DEPDC5: variants seen among roughly 807,000 people sequenced by gnomAD.
DEPDC5 encodes DEP domain containing 5, GATOR1 subcomplex subunit.
A neutral mutation model predicts 217.3 loss-of-function variants in DEPDC5; 73 were observed. The ratio of observed to expected loss-of-function variants is 0.34; its 90% CI spans 0.28 to 0.41. The LOEUF is 0.41. Among genes scored for constraint, DEPDC5 ranks in the 10% least tolerant of loss-of-function variants. DEPDC5 has a pLI of 1.00. For synonymous variants in DEPDC5, 733 were observed against 756.7 expected, an observed-to-expected ratio of 0.97 and a Z score of 0.51; for missense variants, 1,675 against 2,070.1, an observed-to-expected ratio of 0.81 and a Z score of 3.70.
intron 24 of DEPDC5, among the ~76,000 whole-genome samples, chr22:31,828,547 G>A (rs986451319): frequency 1.3e-5 from 2 of 151,106 alleles, no homozygotes; most frequent in Admixed American, 1.3e-4. Context: ...CTCTACTGAA[G>A]CATGATTTAA....
intron 29 of DEPDC5, 152 bp from the exon 30 acceptor site, chr22:31,844,866 A>G (rs745981206): frequency 1.1e-5 from 9 of 818,416 alleles, no homozygotes; most frequent in African/African-American, 1.0e-4. Context: ...CAGAACTTGT[A>G]TTTTCAACAA....
intron 14 of DEPDC5, among the ~76,000 whole-genome samples, chr22:31,801,491 T>G (rs1180596062): frequency 6.6e-6 from 1 of 152,138 alleles, no homozygotes; most frequent in Non-Finnish European, 1.5e-5. Context: ...ATATATTGTT[T>G]GCAAATAACA....
chr22:31,882,450 A>G (rs1360757776), intron 38 of DEPDC5, among the ~76,000 whole-genome samples: 2 of 152,226 alleles, frequency 1.3e-5, no homozygotes, highest in Non-Finnish European at 2.9e-5. Flanking sequence ...GAAAGCAAAA[A>G]GATTTCTTCC....
intron 10 of DEPDC5, among the ~76,000 whole-genome samples, chr22:31,788,647 C>A (rs1231856372): frequency 6.8e-6 from 1 of 148,058 alleles, no homozygotes; most frequent in African/African-American, 2.5e-5. Context: ...GATCTCGGCC[C>A]ACTGCAACCT....
chr22:31,806,194 A>G lies in DEPDC5; in HGVS notation c.1287+3A>G, dbSNP rs750267006. 12 of 1,613,328 alleles carry G rather than the reference A, an allele frequency of 7.4e-6. No homozygotes were observed. Among genetic ancestry groups the G allele is most frequent in the South Asian group, 4.4e-5 (4 of 91,054 alleles). Reference sequence around the variant, plus strand: ...GAATAAAACTGGCAGGAAAGAAGGTAGGTTTTTATTTTTGTTAAGACGGGG... The same window carrying G: ...GAATAAAACTGGCAGGAAAGAAGGTGGGTTTTTATTTTTGTTAAGACGGGG... On this transcript the variant is annotated splice_donor_region_variant and intron_variant, in intron 18 of 42. Coordinates refer to ENST00000651528, the MANE Select transcript of DEPDC5 (RefSeq NM_001242896.3).
chr22:31,807,226 A>G (rs1364748052), intron 18 of DEPDC5, among the ~76,000 whole-genome samples: 1 of 152,208 alleles, frequency 6.6e-6, no homozygotes, highest in Non-Finnish European at 1.5e-5. Flanking sequence ...TGCTATTTGA[A>G]CCAGGCACTT....
intron 12 of DEPDC5, 28 bp downstream of exon 12, chr22:31,792,845 T>A: frequency 6.8e-7 from 1 of 1,461,862 alleles, no homozygotes; most frequent in Non-Finnish European, 9.1e-7. Flanking sequence ...GCTATACTTT[T>A]TATTTATTTA....
At chr22:31,754,763 C>A (rs1304198973) in intron 1 of DEPDC5, 99 bp from the exon 2 acceptor site, 18 of 749,156 alleles carry the variant, frequency 2.4e-5, no homozygotes. Flanking sequence ...CACCACTTCA[C>A]AGCAGAGGAA....
At chr22:31,898,162 A>G (rs1165904120) in intron 40 of DEPDC5, among the ~76,000 whole-genome samples, 1 of 152,176 alleles carries the variant, frequency 6.6e-6, no homozygotes, top group African/African-American at 2.4e-5. Context: ...GACTCGAGTC[A>G]TGCATCTCAG....
intron 18 of DEPDC5, among the ~76,000 whole-genome samples, chr22:31,807,920 G>C (rs1339814510): frequency 1.3e-5 from 2 of 152,002 alleles, no homozygotes; most frequent in Non-Finnish European, 2.9e-5. Context: ...GGGGAGGGCT[G>C]TTAATGTTAC....
intron 34 of DEPDC5, 33 bp downstream of exon 34, chr22:31,870,777 G>A (rs2092818361): frequency 6.7e-7 from 1 of 1,500,680 alleles, no homozygotes; most frequent in African/African-American, 1.4e-5. Context: ...TCATGTTCCT[G>A]GGGAGTGGGG....
intron 31 of DEPDC5, among the ~76,000 whole-genome samples, chr22:31,854,910 T>C (rs2092210549): frequency 6.6e-6 from 1 of 151,472 alleles, no homozygotes; most frequent in Admixed American, 6.6e-5. Flanking sequence ...AAAAAGGACT[T>C]AAGAGATATA....
At chr22:31,755,881 A>AT (rs983618982) in intron 2 of DEPDC5, among the ~76,000 whole-genome samples, 81 of 148,464 alleles carry the variant, frequency 5.5e-4, no homozygotes, top group South Asian at 8.6e-4. Flanking sequence ...ATTTATTGGC[A>AT]TTTTTTTTTT....
At position 31,800,173 on chromosome 22, in the gene DEPDC5, A is replaced by T. The variant is rs952341571; in HGVS notation, c.946+1517A>T. On this transcript the variant is annotated intron_variant, in intron 14 of 42. Transcript: ENST00000651528. Reference sequence around the variant, plus strand: ...GGACATCAGGGCATTTCCTGGGTCTATTAAGTCCTGAGTCTGTTGGAGAAA... The same window carrying T: ...GGACATCAGGGCATTTCCTGGGTCTTTTAAGTCCTGAGTCTGTTGGAGAAA... Among the ~76,000 whole-genome samples the T allele has an allele frequency of 7.2e-5, 11 of 152,090 alleles. No homozygotes were observed. The South Asian group carries it at 2.3e-3, about 31-fold the overall frequency.
At chr22:31,792,144 C>A in intron 11 of DEPDC5, 42 bp downstream of exon 11, 1 of 1,419,918 alleles carries the variant, frequency 7.0e-7, no homozygotes, top group Non-Finnish European at 9.9e-7. Context: ...TTTTGTTAAG[C>A]TTCCCCCAAC....
intron 33 of DEPDC5, among the ~76,000 whole-genome samples, chr22:31,866,966 A>G (rs2092706446): frequency 6.6e-6 from 1 of 152,130 alleles, no homozygotes; most frequent in African/African-American, 2.4e-5. Flanking sequence ...TGAAGTTACT[A>G]TGTTTTCCTT....
At chr22:31,849,865 G>T (rs949211362) in intron 31 of DEPDC5, among the ~76,000 whole-genome samples, 2 of 152,020 alleles carry the variant, frequency 1.3e-5, no homozygotes, top group African/African-American at 4.8e-5. Flanking sequence ...GGAGGAGACT[G>T]CCCCCATTAT....
chr22:31,766,694 C>CT (rs1223268338), intron 6 of DEPDC5, 26 bp downstream of exon 6: 1 of 1,599,160 alleles, frequency 6.3e-7, no homozygotes. Context: ...TTTTGAAAGT[C>CT]TGTTACTTTT....
chr22:31,839,886 G>A (rs762951083), intron 27 of DEPDC5, among the ~76,000 whole-genome samples: 9 of 152,114 alleles, frequency 5.9e-5, no homozygotes, highest in Non-Finnish European at 8.8e-5. Context: ...ATCCTAGCAC[G>A]TTGGGAGGCT....
Sources: allele counts gnomAD v4.1 joint callset (sites outside exome capture counted in the v4.1 genomes callset), GRCh38; gene constraint gnomAD v4.1.1; transcripts MANE v1.5; gene names NCBI Gene and HGNC (gene_info 2026-07-23, HGNC 2026-07-21).